Variants in SLC11A2 observed in about 807,000 individuals in gnomAD.
SLC11A2 encodes the protein solute carrier family 11 member 2.
SLC11A2 carries 38 observed loss-of-function variants against 68.0 expected under a neutral mutation model. That is an observed-to-expected ratio of 0.56 (90% CI 0.43 to 0.73). SLC11A2 has a LOEUF of 0.73. Ranked by LOEUF, SLC11A2 falls within the 30% of genes least tolerant of loss-of-function variation. The probability of loss-of-function intolerance (pLI) is 0.00; values close to 1 mark genes in which losing one functional copy is unlikely to be tolerated. For missense variants in SLC11A2, 517 were observed against 690.5 expected, an observed-to-expected ratio of 0.75 and a Z score of 2.82; for synonymous variants, 242 against 250.6, an observed-to-expected ratio of 0.97 and a Z score of 0.32.
intron 1 of SLC11A2, among the ~76,000 whole-genome samples, chr12:51,018,494 C>T (rs147104360): frequency 1.4e-4 from 21 of 149,934 alleles, no homozygotes; most frequent in Middle Eastern, 3.5e-3. Context: ...TTTTAATCTA[C>T]GGTTAAAACA....
chr12:50,965,462 T>TA, the SLC11A2 span, among the ~76,000 whole-genome samples: 1 of 152,100 alleles, frequency 6.6e-6, no homozygotes, highest in Admixed American at 6.6e-5. Flanking sequence ...TATTTCCTAC[T>TA]ATAATAGCCC....
intron 5 of SLC11A2, among the ~76,000 whole-genome samples, chr12:51,003,363 C>T (rs1409854951): frequency 6.6e-6 from 1 of 151,860 alleles, no homozygotes; most frequent in African/African-American, 2.4e-5. Flanking sequence ...CATGGTAAAA[C>T]CTCATCTCTA....
chr12:50,995,879 G>C, intron 9 of SLC11A2, 92 bp from the exon 10 acceptor site: 1 of 1,243,146 alleles, frequency 8.0e-7, no homozygotes, highest in South Asian at 1.2e-5. Context: ...GAGAGATTTA[G>C]GGGACAAAAG....
At chr12:50,996,478 G>A (rs978618310) in intron 9 of SLC11A2, among the ~76,000 whole-genome samples, 7 of 151,912 alleles carry the variant, frequency 4.6e-5, no homozygotes, top group African/African-American at 1.2e-4. Context: ...AAGAGGCTGA[G>A]GCACGAGAAT....
intron 9 of SLC11A2, 133 bp from the exon 10 acceptor site, chr12:50,995,920 C>G: frequency 2.6e-6 from 2 of 765,690 alleles, no homozygotes; most frequent in Non-Finnish European, 4.6e-6. Flanking sequence ...AGATCCAACA[C>G]TCACCTACAT....
intron 9 of SLC11A2, 87 bp downstream of exon 9, chr12:50,996,730 T>A: frequency 1.4e-6 from 2 of 1,382,682 alleles, no homozygotes; most frequent in Non-Finnish European, 2.1e-6. Context: ...GTCCTAATAA[T>A]TGTAAACTAA....
Position 51,026,349 on chromosome 12 carries a change from C to T in SLC11A2, c.-78G>A, listed in dbSNP as rs2301528. ...AACCACCTGACACGCCGCCCCCGCG[C>T]CCAGGGCTCCATATTCCGGGAGCCA... On this transcript the variant is annotated 5_prime_UTR_variant, in exon 1 of 16. Transcript: ENST00000262052. 4,147 of 1,281,862 alleles carry T rather than the reference C, an allele frequency of 3.2e-3. 191 individuals carry two copies. In the Admixed American group the frequency reaches 0.083, roughly 26 times the overall value. 79.4% of individuals were successfully genotyped at this position (1,281,862 alleles called of 1,614,324 possible). A position where few individuals can be genotyped will look rare whatever the true frequency, so the allele number is the denominator to read the frequency against.
the SLC11A2 span, chr12:50,970,520 G>A: frequency 6.7e-7 from 1 of 1,488,734 alleles, no homozygotes; most frequent in Admixed American, 2.0e-5. Context: ...TTACATGCTG[G>A]AAGCAAGAAA....
intron 5 of SLC11A2, 76 bp from the exon 6 acceptor site, chr12:51,000,495 A>G: frequency 1.8e-6 from 2 of 1,119,326 alleles, no homozygotes; most frequent in Non-Finnish European, 2.7e-6. Context: ...TGGAATTCAC[A>G]TTTTGGCACT....
the SLC11A2 span, among the ~76,000 whole-genome samples, chr12:50,956,696 T>C: frequency 6.6e-6 from 1 of 152,220 alleles, no homozygotes; most frequent in South Asian, 2.1e-4. Flanking sequence ...GTATTAATAC[T>C]CCCTATTCTT....
chr12:51,026,451 G>T, upstream of SLC11A2: 1 of 882,140 alleles, frequency 1.1e-6, no homozygotes, highest in Non-Finnish European at 1.6e-6. Context: ...ATTGGCTGGA[G>T]TCCCTGCAGC....
rs1941225097 is a variant in SLC11A2 at position 50,992,238 on chromosome 12, C to T, written c.1299G>A (p.Glu433=). The T allele has an allele frequency of 2.5e-6, 4 of 1,613,976 alleles. No individual in the cohort carries two copies. Among genetic ancestry groups the T allele is most frequent in the Non-Finnish European group, 3.4e-6 (4 of 1,179,860 alleles). Reference sequence around the variant, plus strand: ...GAAAGTCATTCATCCCTGTTAGATGCTCTACATCTTGGAAGACAGCAACAA... The same window carrying T: ...GAAAGTCATTCATCCCTGTTAGATGTTCTACATCTTGGAAGACAGCAACAA... ...TLLVAVFQDV[E]HLTGMNDFLN... The change falls in exon 13 of 16, where the codon GAG becomes GAA. Residue 433 remains glutamate, a synonymous_variant. Coordinates refer to ENST00000262052, the MANE Select transcript of SLC11A2 (RefSeq NM_000617.3).
intron 3 of SLC11A2, chr12:51,008,253 GATA>G (rs1942909358): frequency 3.2e-5 from 10 of 311,734 alleles, no homozygotes; most frequent in Middle Eastern, 2.0e-3. Context: ...TAGATAGATA[GATA>G]GATAGACGGA....
At chr12:51,013,871 G>T (rs1943421910) in intron 1 of SLC11A2, among the ~76,000 whole-genome samples, 1 of 152,142 alleles carries the variant, frequency 6.6e-6, no homozygotes. Flanking sequence ...ACTCAGGCTG[G>T]AGTGTAGTGG....
At chr12:50,952,540 G>A in the SLC11A2 span, among the ~76,000 whole-genome samples, 5 of 152,206 alleles carry the variant, frequency 3.3e-5, no homozygotes, top group South Asian at 2.1e-4. Flanking sequence ...CAAAGGCCAC[G>A]TCCACCACCG....
chr12:50,996,741 C>T, intron 9 of SLC11A2, 76 bp downstream of exon 9: 4 of 1,453,606 alleles, frequency 2.8e-6, no homozygotes, highest in Admixed American at 3.4e-5. Flanking sequence ...TGTAAACTAA[C>T]TTTGTGTCCC....
the SLC11A2 span, among the ~76,000 whole-genome samples, chr12:50,972,225 A>G: frequency 1.3e-5 from 2 of 152,248 alleles, no homozygotes; most frequent in African/African-American, 4.8e-5. Context: ...ACTCAGCACT[A>G]AAAATAGATT....
At chr12:50,971,213 C>G in the SLC11A2 span, among the ~76,000 whole-genome samples, 3 of 152,054 alleles carry the variant, frequency 2.0e-5, no homozygotes, top group Non-Finnish European at 2.9e-5. Context: ...AATGTGACAC[C>G]CTATCCATGT....
the SLC11A2 span, among the ~76,000 whole-genome samples, chr12:50,966,003 C>T: frequency 6.6e-6 from 1 of 152,086 alleles, no homozygotes; most frequent in Admixed American, 6.6e-5. Flanking sequence ...CTGCTTCTGC[C>T]CATAAGTTTC....
Sources: allele counts gnomAD v4.1 joint callset (sites outside exome capture counted in the v4.1 genomes callset), GRCh38; gene constraint gnomAD v4.1.1; transcripts MANE v1.5; gene names NCBI Gene and HGNC (gene_info 2026-07-23, HGNC 2026-07-21).